ASTN2: variants seen among roughly 807,000 people sequenced by gnomAD.
ASTN2 encodes astrotactin 2, also known as astrotactin-2.
In ASTN2, 54 loss-of-function variants were observed where a neutral mutation model predicts 139.8. That is an observed-to-expected ratio of 0.39 (90% confidence interval 0.31 to 0.48). The LOEUF (loss-of-function observed/expected upper bound fraction) is 0.48, where lower values mean the gene tolerates loss of function less well. Among genes scored for constraint, ASTN2 ranks in the 20% least tolerant of loss-of-function variants. The pLI is 0.95. For missense variants in ASTN2, 1,565 were observed against 1,725.1 expected (o/e 0.91, Z 1.64); for synonymous variants, 756 against 719.5 (o/e 1.05, Z -0.81).
At chr9:117,390,801 T>C (rs1830520640) in intron 1 of ASTN2, among the ~76,000 whole-genome samples, 1 of 152,214 alleles carries the variant, frequency 6.6e-6, no homozygotes, top group South Asian at 2.1e-4. Context: ...TGAATAAAGC[T>C]GCTATAAACA....
chr9:117,099,812 T>C (rs1396040117), intron 4 of ASTN2, among the ~76,000 whole-genome samples: 1 of 152,202 alleles, frequency 6.6e-6, no homozygotes, highest in Non-Finnish European at 1.5e-5. Flanking sequence ...AATACTTTGT[T>C]TAATATCCAC....
intron 19 of ASTN2, among the ~76,000 whole-genome samples, chr9:116,490,713 G>T (rs1168827308): frequency 1.3e-5 from 2 of 152,114 alleles, no homozygotes; most frequent in Non-Finnish European, 2.9e-5. Context: ...AAAATCATCA[G>T]ATCTCATGAG....
At chr9:116,470,587 G>A (rs138637061) in intron 20 of ASTN2, among the ~76,000 whole-genome samples, 1 of 152,150 alleles carries the variant, frequency 6.6e-6, no homozygotes, top group Non-Finnish European at 1.5e-5. Context: ...ATTTAGAATG[G>A]TGCCTGGTAT....
Position 117,059,485 on chromosome 9 carries a change from C to T in ASTN2, c.1277-19520G>A, listed in dbSNP as rs199681018. ...AAAATTAGCTGGGCATGGTGATGCA[C>T]GCCTGTAATCCCAGCTACTAAGTAG... On this transcript the variant is annotated intron_variant, in intron 5 of 22. Transcript: ENST00000313400. Among the ~76,000 whole-genome samples the T allele has an allele frequency of 7.9e-5, 12 of 152,076 alleles. No individual in the cohort carries two copies. In the East Asian group the frequency reaches 9.7e-4, roughly 12 times the overall value.
chr9:116,812,047 T>G (rs1443768891), intron 12 of ASTN2, among the ~76,000 whole-genome samples: 1 of 152,234 alleles, frequency 6.6e-6, no homozygotes, highest in Non-Finnish European at 1.5e-5. Context: ...AGAAGTTAAA[T>G]ATATGCATTA....
Position 117,227,466 on chromosome 9 carries a change from G to A in ASTN2, c.631-12724C>T, listed in dbSNP as rs1015211516. Among the ~76,000 whole-genome samples, 4 of 152,164 alleles carry A rather than the reference G, an allele frequency of 2.6e-5. No individual in the cohort carries two copies. The East Asian group carries it at 7.7e-4, about 29-fold the overall frequency. On this transcript the variant is annotated intron_variant, in intron 2 of 22. Coordinates refer to ENST00000313400, the MANE Select transcript of ASTN2 (RefSeq NM_001365068.1). ...GGAGTGTATGAATAGATTAATGGAT[G>A]CAGGGATGGGTGGATGGATGGATGG...
intron 11 of ASTN2, among the ~76,000 whole-genome samples, chr9:116,852,055 G>C (rs767232586): frequency 2.0e-5 from 3 of 152,114 alleles, no homozygotes; most frequent in South Asian, 2.1e-4. Flanking sequence ...CATCACCTCG[G>C]ACTGTATTAT....
chr9:116,992,823 C>T (rs955385024), intron 7 of ASTN2, among the ~76,000 whole-genome samples: 2 of 152,180 alleles, frequency 1.3e-5, no homozygotes, highest in Admixed American at 1.3e-4. Flanking sequence ...TTGCTAACTA[C>T]CTCCAATACT....
At chr9:116,509,467 A>C (rs1051489027) in intron 19 of ASTN2, among the ~76,000 whole-genome samples, 1 of 152,110 alleles carries the variant, frequency 6.6e-6, no homozygotes, top group East Asian at 1.9e-4. Flanking sequence ...CGCAATAAAC[A>C]TATGTGTGCA....
chr9:116,993,876 A>ATATATATTTTT (rs1030120382), intron 7 of ASTN2, among the ~76,000 whole-genome samples: 9 of 142,056 alleles, frequency 6.3e-5, no homozygotes, highest in Admixed American at 4.3e-4. Flanking sequence ...ATATATATAT[A>ATATATATTTTT]TTTTAACTAT....
At chr9:116,825,636 C>T (rs1432403739) in intron 11 of ASTN2, among the ~76,000 whole-genome samples, 1 of 152,126 alleles carries the variant, frequency 6.6e-6, no homozygotes, top group Non-Finnish European at 1.5e-5. Context: ...CTTTTCCAGT[C>T]AGAAACCAAC....
chr9:117,048,349 CTCCTTTCTCAGCCCCAGAAAATACTATG>C (rs1468677523), intron 5 of ASTN2, among the ~76,000 whole-genome samples: 27 of 152,322 alleles, frequency 1.8e-4, no homozygotes, highest in Admixed American at 1.1e-3. Flanking sequence ...GCTGTCGCTC[CTCCTTTCTCAGCCCCAGAAAATACTATG>C]GGCCTGAAGC....
chr9:116,669,575 T>C (rs928130651), intron 16 of ASTN2, among the ~76,000 whole-genome samples: 1 of 152,234 alleles, frequency 6.6e-6, no homozygotes, highest in Admixed American at 6.5e-5. Context: ...TCTTCCTTGG[T>C]GACATGTATA....
At chr9:117,380,306 T>C (rs1439371764) in intron 1 of ASTN2, among the ~76,000 whole-genome samples, 1 of 152,034 alleles carries the variant, frequency 6.6e-6, no homozygotes, top group African/African-American at 2.4e-5. Flanking sequence ...CACAGGATGC[T>C]ATAAAAGAAT....
intron 19 of ASTN2, among the ~76,000 whole-genome samples, chr9:116,596,188 A>C (rs1854567286): frequency 6.6e-6 from 1 of 152,258 alleles, no homozygotes; most frequent in Admixed American, 6.5e-5. Flanking sequence ...CAGAAGAACA[A>C]ATACTGCCTA....
At chr9:117,169,568 C>T (rs892853187) in intron 3 of ASTN2, among the ~76,000 whole-genome samples, 5 of 152,080 alleles carry the variant, frequency 3.3e-5, no homozygotes, top group African/African-American at 1.2e-4. Context: ...CATTCTGTTC[C>T]CCCAAACAAT....
At chr9:116,904,200 G>A (rs1050635184) in intron 10 of ASTN2, among the ~76,000 whole-genome samples, 1 of 152,180 alleles carries the variant, frequency 6.6e-6, no homozygotes, top group Admixed American at 6.5e-5. Flanking sequence ...ACAGGGCCTG[G>A]CATACATACG....
At chr9:116,807,391 A>C (rs1393399059) in intron 12 of ASTN2, among the ~76,000 whole-genome samples, 1 of 152,224 alleles carries the variant, frequency 6.6e-6, no homozygotes, top group African/African-American at 2.4e-5. Context: ...AGTCTCATGC[A>C]TGAAGCAAAC....
At chr9:116,719,879 C>A (rs1168687123) in intron 16 of ASTN2, among the ~76,000 whole-genome samples, 2 of 151,996 alleles carry the variant, frequency 1.3e-5, no homozygotes, top group Non-Finnish European at 2.9e-5. Context: ...TTTGTCAAAG[C>A]CTACTGAAAG....
Sources: gnomAD v4.1 joint callset for allele counts (sites outside exome capture counted in the v4.1 genomes callset) on GRCh38, gnomAD v4.1.1 for gene constraint, MANE v1.5 for transcripts, NCBI Gene and HGNC (gene_info 2026-07-23, HGNC 2026-07-21) for gene names.